DNAH2: variants seen among roughly 807,000 people sequenced by gnomAD.
The protein encoded by DNAH2 is axonemal beta dynein heavy chain 2.
DNAH2 carries 323 observed loss-of-function variants against 523.5 expected under a neutral mutation model. The observed-to-expected ratio is 0.62, with a 90% CI of 0.56 to 0.68. DNAH2 has a LOEUF of 0.68. Ranked by LOEUF, DNAH2 falls within the 30% of genes least tolerant of loss-of-function variation. DNAH2 has a pLI of 0.00. For missense variants in DNAH2, 4,907 were observed against 5,701.5 expected (o/e 0.86, Z 4.49); for synonymous variants, 2,093 against 2,177.4 (o/e 0.96, Z 1.08).
In DNAH2 at chr17:7,833,072, A is replaced by T. The variant is rs1465029369; in HGVS notation, c.12980A>T (p.Asp4327Val). The T allele has an allele frequency of 1.9e-6, 3 of 1,613,480 alleles. No individual in the cohort carries two copies. In the Admixed American group the frequency reaches 5.0e-5, roughly 27 times the overall value. ...DDSNLVYPPKDGVWVRGLYLE... is the reference protein window; with the variant it reads ...DDSNLVYPPKVGVWVRGLYLE... ...AGACCTGCTCCCATTTCTCCCCAGG[A>T]TGGTGTCTGGGTCCGGGGCCTGTAC... The change falls in exon 85 of 86, where the codon GAT (aspartate) becomes GTT (valine). Residue 4327 changes from aspartate to valine, a missense_variant and splice_region_variant. Asp to Val is a radical substitution (Grantham distance 152). Transcript: ENST00000572933.
intron 13 of DNAH2, 129 bp downstream of exon 13, chr17:7,757,366 A>AG: frequency 7.9e-7 from 1 of 1,269,680 alleles, no homozygotes; most frequent in Non-Finnish European, 1.1e-6. Context: ...CTCAAAAAAA[A>AG]AAAATTGTCT....
Position 7,817,651 on chromosome 17 carries a change from G to T in DNAH2, c.10111G>T (p.Gly3371Trp), listed in dbSNP as rs1049322174. Residue 3371 changes from glycine to tryptophan, a missense_variant, in exon 66 of 86, where the codon GGG (glycine) becomes TGG (tryptophan). This residue lies in a region of DNAH2 where 1,851 missense variants were observed against 2,139.4 expected (regional missense o/e 0.87). Coordinates refer to ENST00000572933, the MANE Select transcript of DNAH2 (RefSeq NM_020877.5). The part of the protein sequence containing the change: ...PTKVRDWNIQ[G>W]LPSDAFSTEN... ...CAAAGTCCGGGACTGGAACATCCAA[G>T]GGTTGCCCTCAGACGCCTTCTCCAC... 1 of 1,614,128 alleles carries T rather than the reference G, an allele frequency of 6.2e-7. No individual in the cohort carries two copies. The highest frequency in any genetic ancestry group is 1.7e-5 in the Admixed American group (1 of 60,012).
At chr17:7,773,025 C>T (rs766417612) in intron 28 of DNAH2, among the ~76,000 whole-genome samples, 6 of 152,138 alleles carry the variant, frequency 3.9e-5, no homozygotes, top group South Asian at 2.1e-4. Context: ...CCACCCACCT[C>T]GGCCTCCCAA....
chr17:7,791,208 G>T (rs549205801), intron 44 of DNAH2, among the ~76,000 whole-genome samples: 1 of 151,982 alleles, frequency 6.6e-6, no homozygotes, highest in Admixed American at 6.6e-5. Context: ...TGAGTAGCTG[G>T]GATTAACAGG....
intron 64 of DNAH2, 83 bp from the exon 65 acceptor site, chr17:7,817,207 G>A: frequency 6.6e-7 from 1 of 1,520,696 alleles, no homozygotes; most frequent in African/African-American, 1.4e-5. Context: ...ACAGTGTCCA[G>A]AAGAGGGTGC....
At chr17:7,811,638 T>A (rs2151311416) in intron 63 of DNAH2, among the ~76,000 whole-genome samples, 1 of 152,338 alleles carries the variant, frequency 6.6e-6, no homozygotes, top group Admixed American at 6.5e-5. Flanking sequence ...CTTATGTGTG[T>A]CTTCACATAA....
rs1429720130 is a variant in DNAH2, at chr17:7,817,595, TC to T, written c.10056del (p.Phe3352LeufsTer42). On this transcript the variant is annotated frameshift_variant, in exon 66 of 86. Transcript: ENST00000572933. LOFTEE classifies it high-confidence loss of function. ...WELQVPCSPS[F>X]AIDNFLCNPT... is the part of the protein sequence containing the mutation. ...CTTCAGGTTCCTTGCTCCCCTTCTT[TC>T]GCCATCGATAACTTCCTGTGCAATC... The T allele has an allele frequency of 6.2e-7, 1 of 1,614,152 alleles. No homozygotes were observed. The highest frequency in any genetic ancestry group is 8.5e-7 in the Non-Finnish European group (1 of 1,180,018).
At chr17:7,792,367 G>C (rs1420310144) in intron 46 of DNAH2, 24 bp downstream of exon 46, 5 of 1,610,746 alleles carry the variant, frequency 3.1e-6, no homozygotes, top group Non-Finnish European at 4.2e-6. Context: ...CTGGGTGTGA[G>C]GAGGGCATGG....
chr17:7,786,507 T>G lies in DNAH2; in HGVS notation c.6349-63T>G. 1 of 1,520,062 alleles carries G rather than the reference T, an allele frequency of 6.6e-7. No homozygotes were observed. The highest frequency in any genetic ancestry group is 2.3e-5 in the East Asian group (1 of 44,230). The allele number at this position is 1,520,062 out of a possible 1,614,324, so 94.2% of individuals were successfully genotyped here. A position where few individuals can be genotyped will look rare whatever the true frequency, so the allele number is the denominator to read the frequency against. On this transcript the variant is annotated intron_variant, in intron 40 of 85. Transcript: ENST00000572933. The surrounding 1 kb of genome is among the most constrained non-coding windows in gnomAD (Gnocchi z 7.5). ...GACAAATGCACGTACCTAAGAGGGG[T>G]CTGGAAATAAAGAGGGGTTTTTGTC...
chr17:7,804,614 G>A (rs1422312165), intron 59 of DNAH2, 148 bp downstream of exon 59: 1 of 938,898 alleles, frequency 1.1e-6, no homozygotes, highest in Non-Finnish European at 1.6e-6. Context: ...GGGAGGCTGA[G>A]GCAGGAGGAT....
In DNAH2 at chr17:7,774,832, G is replaced by A. The variant is rs779745280; in HGVS notation, c.4575G>A (p.Glu1525=). The A allele has an allele frequency of 5.0e-6, 8 of 1,614,218 alleles. No individual in the cohort carries two copies. The highest frequency in any genetic ancestry group is 1.3e-5 in the African/African-American group (1 of 75,054). ...DIQKSLDMYL[E]TKRHIFPRFY... The stretch of plus-strand genomic sequence containing the variant: ...AGAAATCTCTGGATATGTATTTAGA[G>A]ACCAAGCGACATATTTTCCCCCGCT... The change falls in exon 29 of 86, where the codon GAG becomes GAA. Residue 1525 remains glutamate (E), a synonymous_variant. Transcript: ENST00000572933.
intron 77 of DNAH2, among the ~76,000 whole-genome samples, chr17:7,827,263 C>T (rs1250437700): frequency 6.6e-6 from 1 of 151,648 alleles, no homozygotes. Context: ...AGCTATCTTT[C>T]CTTTTTTAAA....
Position 7,824,105 on chromosome 17 carries a change from C to A in DNAH2, c.11479-16C>A, listed in dbSNP as rs556630671. On this transcript the variant is annotated splice_polypyrimidine_tract_variant and intron_variant, in intron 75 of 85. Transcript: ENST00000572933. Reference sequence around the variant, plus strand: ...ATGTGGCCTTCTGCCTGATGCTATACCTGTGCTTCTGGCAGGTGCTGGAGG... The same window carrying A: ...ATGTGGCCTTCTGCCTGATGCTATAACTGTGCTTCTGGCAGGTGCTGGAGG... 508 of 1,562,648 alleles carry A rather than the reference C, an allele frequency of 3.3e-4. 2 individuals are homozygous for A. In the South Asian group the frequency reaches 5.7e-3, roughly 17 times the overall value.
chr17:7,741,145 G>A (rs2075302761), intron 11 of DNAH2, among the ~76,000 whole-genome samples, 153 bp downstream of exon 11: 1 of 152,172 alleles, frequency 6.6e-6, no homozygotes, highest in Admixed American at 6.5e-5. Context: ...TCAGTCGTGG[G>A]TTAAGATCTG....
chr17:7,778,038 C>T (rs762588260), intron 33 of DNAH2, 39 bp from the exon 34 acceptor site: 7 of 1,568,426 alleles, frequency 4.5e-6, no homozygotes, highest in Non-Finnish European at 5.3e-6. Context: ...ACTCTCCTTC[C>T]AAGCCCACCT....
Position 7,822,494 on chromosome 17 carries a change from C to T in DNAH2, c.11143-948C>T, listed in dbSNP as rs969474470. The stretch of plus-strand genomic sequence containing the variant: ...ATCTCTCACCTCCTTCAGACCTCAC[C>T]TCAATGCGACCTTGATCTTCTTATT... On this transcript the variant is annotated intron_variant, in intron 73 of 85. Coordinates refer to ENST00000572933, the MANE Select transcript of DNAH2 (RefSeq NM_020877.5). 5.9e-5 allele frequency among the ~76,000 whole-genome samples: 9 copies of T among 152,292 alleles called. No individual in the cohort carries two copies. In the East Asian group the frequency reaches 1.2e-3, roughly 20 times the overall value.
chr17:7,815,529 CAT>C (rs1230827001), intron 63 of DNAH2, among the ~76,000 whole-genome samples: 2 of 151,984 alleles, frequency 1.3e-5, no homozygotes, highest in African/African-American at 4.8e-5. Context: ...ATCACACACA[CAT>C]ATACAGGATC....
At chr17:7,819,449 G>A in intron 72 of DNAH2, 41 bp downstream of exon 72, 2 of 1,610,408 alleles carry the variant, frequency 1.2e-6, no homozygotes, top group Admixed American at 1.7e-5. Context: ...CGGAGGCCGA[G>A]TGGCTGTGGT....
At chr17:7,783,258 G>A (rs971423384) in intron 39 of DNAH2, among the ~76,000 whole-genome samples, 8 of 151,984 alleles carry the variant, frequency 5.3e-5, no homozygotes, top group Non-Finnish European at 8.8e-5. Context: ...TGTATTTTTG[G>A]TAGAGACGGG....
Sources: allele counts gnomAD v4.1 joint callset (sites outside exome capture counted in the v4.1 genomes callset), GRCh38; gene constraint gnomAD v4.1.1; regional missense constraint gnomAD v4.1.1; non-coding constraint Gnocchi (gnomAD v3.1); transcripts MANE v1.5; gene names NCBI Gene and HGNC (gene_info 2026-07-23, HGNC 2026-07-21).